Variants in DDX10 observed in about 807,000 individuals in gnomAD.
DDX10 encodes the protein DEAD-box helicase 10, also known as probable ATP-dependent RNA helicase DDX10.
A neutral mutation model predicts 104.3 loss-of-function variants in DDX10; 74 were observed. The ratio of observed to expected loss-of-function variants is 0.71; its 90% CI spans 0.59 to 0.86. The LOEUF is 0.86. Among genes scored for constraint, DDX10 ranks in the 40% least tolerant of loss-of-function variants. DDX10 has a pLI of 0.00. For synonymous variants in DDX10, 351 were observed against 353.4 expected (o/e 0.99, Z 0.08); for missense variants, 952 against 1,040.0 (o/e 0.92, Z 1.16).
At chr11:108,825,771 G>A (rs924109307) in intron 13 of DDX10, among the ~76,000 whole-genome samples, 10 of 152,158 alleles carry the variant, frequency 6.6e-5, no homozygotes, top group Admixed American at 6.5e-4. Flanking sequence ...AAGGAAAATA[G>A]TAGTGCATGG....
chr11:108,788,142 C>A (rs1861820576), intron 13 of DDX10, among the ~76,000 whole-genome samples: 1 of 152,138 alleles, frequency 6.6e-6, no homozygotes, highest in Non-Finnish European at 1.5e-5. Flanking sequence ...TTTCATACAT[C>A]TAAATCTGGT....
chr11:108,794,540 T>C (rs751746460), intron 13 of DDX10, among the ~76,000 whole-genome samples: 1 of 110,688 alleles, frequency 9.0e-6, no homozygotes, highest in Admixed American at 1.0e-4. Flanking sequence ...TTGAATAAGT[T>C]CCATTTCCTT....
At chr11:108,871,652 G>C (rs1383480878) in intron 16 of DDX10, among the ~76,000 whole-genome samples, 1 of 152,140 alleles carries the variant, frequency 6.6e-6, no homozygotes, top group Non-Finnish European at 1.5e-5. Context: ...CTTTGGGCTG[G>C]GCGCGTTGGC....
At chr11:108,812,382 T>G (rs887537273) in intron 13 of DDX10, among the ~76,000 whole-genome samples, 7 of 152,184 alleles carry the variant, frequency 4.6e-5, no homozygotes, top group Admixed American at 2.0e-4. Context: ...TCAGTTGACT[T>G]TTTTCGTTCT....
intron 13 of DDX10, among the ~76,000 whole-genome samples, chr11:108,804,894 T>C (rs1215758216): frequency 3.3e-5 from 5 of 152,240 alleles, no homozygotes; most frequent in African/African-American, 1.2e-4. Context: ...GGAGGTATTA[T>C]ATATTAATCA....
At chr11:108,896,376 A>G (rs1213057193) in intron 16 of DDX10, among the ~76,000 whole-genome samples, 1 of 151,676 alleles carries the variant, frequency 6.6e-6, no homozygotes, top group African/African-American at 2.4e-5. Flanking sequence ...CTTCCTGCCA[A>G]TGCGTGTTTT....
intron 16 of DDX10, among the ~76,000 whole-genome samples, chr11:108,874,968 A>G (rs1040830925): frequency 3.9e-5 from 6 of 152,162 alleles, no homozygotes; most frequent in African/African-American, 1.4e-4. Flanking sequence ...CATTTATATA[A>G]TGAAGGTAAA....
At chr11:108,770,351 C>T (rs1198412474) in intron 13 of DDX10, among the ~76,000 whole-genome samples, 1 of 152,118 alleles carries the variant, frequency 6.6e-6, no homozygotes, top group East Asian at 1.9e-4. Context: ...TCACTATAGT[C>T]ACCCTATTAT....
intron 16 of DDX10, 73 bp from the exon 17 acceptor site, chr11:108,917,800 G>C (rs1863770072): frequency 6.1e-6 from 9 of 1,469,412 alleles, no homozygotes; most frequent in Non-Finnish European, 8.4e-6. Context: ...TATCCATTGG[G>C]GTCTGCAAAT....
At chr11:108,931,429 C>T (rs1179693139) in intron 17 of DDX10, among the ~76,000 whole-genome samples, 4 of 152,188 alleles carry the variant, frequency 2.6e-5, no homozygotes, top group Non-Finnish European at 5.9e-5. Context: ...GTCAGACTGA[C>T]TCCAAAGCCA....
At chr11:108,901,855 G>A (rs1863520673) in intron 16 of DDX10, among the ~76,000 whole-genome samples, 1 of 152,128 alleles carries the variant, frequency 6.6e-6, no homozygotes, top group Non-Finnish European at 1.5e-5. Context: ...TTATGGAAAT[G>A]TATTAAATAT....
chr11:108,828,447 C>T (rs1373591944), intron 13 of DDX10, among the ~76,000 whole-genome samples: 4 of 152,198 alleles, frequency 2.6e-5, no homozygotes, highest in Admixed American at 2.0e-4. Flanking sequence ...ATAATAATCT[C>T]CAGTTCCATC....
intron 1 of DDX10, among the ~76,000 whole-genome samples, chr11:108,671,192 C>T (rs1244273871): frequency 6.6e-6 from 1 of 152,216 alleles, no homozygotes; most frequent in African/African-American, 2.4e-5. Context: ...GAGGTAGAGT[C>T]TCGCTCTGTT....
chr11:108,705,380 C>T (rs2094274410), intron 9 of DDX10, among the ~76,000 whole-genome samples: 1 of 152,164 alleles, frequency 6.6e-6, no homozygotes, highest in Non-Finnish European at 1.5e-5. Flanking sequence ...CTTCAAGGCC[C>T]ACCTGAAATT....
chr11:108,677,098 T>G lies in DDX10; in HGVS notation c.392T>G (p.Leu131Ter), dbSNP rs933459490. The G allele has an allele frequency of 6.2e-7, 1 of 1,611,702 alleles. No homozygotes were observed. Among genetic ancestry groups the G allele is most frequent in the Non-Finnish European group, 8.5e-7 (1 of 1,178,606 alleles). Residue 131 changes from leucine to a stop codon, truncating the protein, a stop_gained, in exon 4 of 18, where the codon TTA becomes TGA. Transcript: ENST00000322536. LOFTEE classifies it high-confidence loss of function. The part of the protein sequence containing the change: ...LAFLVPVLEA[L>*]YRLQWTSTDG... Reference sequence around the variant, plus strand: ...TGTCTTTTTGAGGTGCTGGAAGCCTTATATCGTCTGCAATGGACTTCAACA... The same window carrying G: ...TGTCTTTTTGAGGTGCTGGAAGCCTGATATCGTCTGCAATGGACTTCAACA...
intron 3 of DDX10, 147 bp downstream of exon 3, chr11:108,675,873 T>C: frequency 5.1e-6 from 5 of 984,768 alleles, no homozygotes; most frequent in South Asian, 4.8e-5. Flanking sequence ...AGGAGCCACA[T>C]GTGTGTCTTG....
intron 13 of DDX10, among the ~76,000 whole-genome samples, chr11:108,733,632 G>A (rs1027242622): frequency 5.5e-4 from 84 of 152,112 alleles, no homozygotes; most frequent in African/African-American, 1.9e-3. Context: ...GACTTGCCTC[G>A]GTATGATTGT....
chr11:108,786,548 T>G (rs76636323), intron 13 of DDX10, among the ~76,000 whole-genome samples: 6,347 of 147,390 alleles, frequency 0.043, 367 homozygotes, highest in African/African-American at 0.14. Flanking sequence ...GTGTTGGGTG[T>G]GTATATGTTT....
intron 13 of DDX10, among the ~76,000 whole-genome samples, chr11:108,801,362 TTGAGA>T (rs1157024992): frequency 2.0e-5 from 3 of 152,208 alleles, no homozygotes; most frequent in Admixed American, 6.5e-5. Flanking sequence ...TCCTTAATGC[TTGAGA>T]TAAGTGTACT....
Sources: allele counts gnomAD v4.1 joint callset (sites outside exome capture counted in the v4.1 genomes callset), GRCh38; gene constraint gnomAD v4.1.1; transcripts MANE v1.5; gene names NCBI Gene and HGNC (gene_info 2026-07-23, HGNC 2026-07-21).